The following SGCZ variants were observed in gnomAD, a reference collection of about 807,000 sequenced individuals.
SGCZ encodes sarcoglycan zeta.
Under a neutral mutation model 41.3 loss-of-function variants are expected in SGCZ, and 40 were observed. That is an observed-to-expected ratio of 0.97 (90% CI 0.75 to 1.26). SGCZ has a LOEUF of 1.26. Among genes scored for constraint, SGCZ ranks in the 50% most tolerant of loss-of-function variants. The pLI is 0.00. For synonymous variants in SGCZ, 206 were observed against 137.5 expected (o/e 1.50, Z -3.49); for missense variants, 552 against 369.8 (o/e 1.49, Z -4.04).
intron 1 of SGCZ, among the ~76,000 whole-genome samples, chr8:15,107,586 A>G (rs986658127): frequency 1.3e-5 from 2 of 152,194 alleles, no homozygotes; most frequent in Admixed American, 6.5e-5. Context: ...CCAGAAGCCA[A>G]GCAATTGCCA....
At chr8:15,104,246 C>T (rs1226645140) in intron 1 of SGCZ, among the ~76,000 whole-genome samples, 2 of 152,128 alleles carry the variant, frequency 1.3e-5, no homozygotes, top group African/African-American at 4.8e-5. Context: ...TCCATCTAAG[C>T]TACCCAGCAG....
rs184500104 is a variant in SGCZ at position 14,606,716 on chromosome 8, A to G, written c.40-51790T>C. Among the ~76,000 whole-genome samples the G allele has an allele frequency of 5.9e-3, 900 of 152,344 alleles. 3 individuals are homozygous for G. The highest frequency in any genetic ancestry group is 0.013 in the Admixed American group (200 of 15,300). On this transcript the variant is annotated intron_variant, in intron 1 of 7. Coordinates refer to ENST00000382080, the MANE Select transcript of SGCZ (RefSeq NM_139167.4). ...TTTTGTTCACCACAGTACATGAAGT[A>G]TACAGCAAAATCCCTGGCACATGGT...
At chr8:14,393,743 A>C (rs777276683) in intron 2 of SGCZ, among the ~76,000 whole-genome samples, 1 of 152,136 alleles carries the variant, frequency 6.6e-6, no homozygotes, top group Non-Finnish European at 1.5e-5. Flanking sequence ...AACAAACCCC[A>C]GGGTATACAC....
At chr8:15,230,254 T>A (rs1801901730) in intron 1 of SGCZ, among the ~76,000 whole-genome samples, 1 of 151,512 alleles carries the variant, frequency 6.6e-6, no homozygotes, top group African/African-American at 2.4e-5. Context: ...TGATGGTAGC[T>A]CAAATACTGT....
chr8:14,665,144 T>A (rs973901560), intron 1 of SGCZ, among the ~76,000 whole-genome samples: 4 of 152,182 alleles, frequency 2.6e-5, no homozygotes, highest in African/African-American at 9.7e-5. Flanking sequence ...GTATATCTCC[T>A]AATGCTATCC....
chr8:14,596,666 C>G (rs1292801178), intron 1 of SGCZ, among the ~76,000 whole-genome samples: 1 of 152,022 alleles, frequency 6.6e-6, no homozygotes, highest in Non-Finnish European at 1.5e-5. Context: ...ACACCAGGGT[C>G]TCTCACGGGG....
chr8:14,241,194 T>C (rs1017408022), intron 3 of SGCZ, among the ~76,000 whole-genome samples: 4 of 152,032 alleles, frequency 2.6e-5, no homozygotes, highest in Non-Finnish European at 5.9e-5. Flanking sequence ...CTTTATATTA[T>C]ACTTGTGTGT....
chr8:14,933,630 T>C (rs1315050984), intron 1 of SGCZ, among the ~76,000 whole-genome samples: 1 of 151,820 alleles, frequency 6.6e-6, no homozygotes, highest in African/African-American at 2.4e-5. Flanking sequence ...TTTCTGTATT[T>C]TTTAGTAGAG....
chr8:14,139,881 A>T (rs1803313664), intron 5 of SGCZ, among the ~76,000 whole-genome samples: 1 of 152,174 alleles, frequency 6.6e-6, no homozygotes, highest in African/African-American at 2.4e-5. Flanking sequence ...AGACACAACA[A>T]AAAAACAGAA....
chr8:14,155,787 T>C (rs74524620), intron 5 of SGCZ, among the ~76,000 whole-genome samples: 4,996 of 151,946 alleles, frequency 0.033, 251 homozygotes, highest in African/African-American at 0.11. Context: ...TTCTGAGAAA[T>C]GCATCATTTG....
At chr8:14,977,146 T>C (rs1801503803) in intron 1 of SGCZ, among the ~76,000 whole-genome samples, 1 of 152,182 alleles carries the variant, frequency 6.6e-6, no homozygotes. Flanking sequence ...GACAGACTGG[T>C]ATACAGAAAC....
intron 4 of SGCZ, chr8:14,165,495 G>A (rs1233527643): frequency 6.6e-6 from 1 of 152,108 alleles, no homozygotes; most frequent in Non-Finnish European, 1.5e-5. Context: ...AATGTTAACT[G>A]AGGAGGAAGA....
At chr8:14,455,910 C>T (rs1475487762) in intron 2 of SGCZ, among the ~76,000 whole-genome samples, 1 of 152,044 alleles carries the variant, frequency 6.6e-6, no homozygotes, top group Non-Finnish European at 1.5e-5. Flanking sequence ...GTTTATGGTT[C>T]AATTTACATG....
At chr8:14,683,396 A>G (rs892583879) in intron 1 of SGCZ, among the ~76,000 whole-genome samples, 1 of 152,174 alleles carries the variant, frequency 6.6e-6, no homozygotes, top group Non-Finnish European at 1.5e-5. Context: ...ATATAAAAAA[A>G]GAATTTAAGA....
chr8:14,454,554 T>C (rs1329700484), intron 2 of SGCZ, among the ~76,000 whole-genome samples: 3 of 152,018 alleles, frequency 2.0e-5, no homozygotes, highest in Non-Finnish European at 4.4e-5. Flanking sequence ...AAGTAGATAG[T>C]AAAGTTCATA....
chr8:14,457,436 G>A (rs974635531), intron 2 of SGCZ, among the ~76,000 whole-genome samples: 2 of 152,184 alleles, frequency 1.3e-5, no homozygotes, highest in African/African-American at 4.8e-5. Context: ...GGAAAAGAGG[G>A]GGTCTCCCTT....
At position 14,992,800 on chromosome 8, in the gene SGCZ, G is replaced by C. The variant is rs185578639; in HGVS notation, c.39+244785C>G. Among the ~76,000 whole-genome samples, 419 of 131,088 alleles carry C rather than the reference G, an allele frequency of 3.2e-3. 2 individuals are homozygous for C. The highest frequency in any genetic ancestry group is 0.011 in the African/African-American group (379 of 33,860). The allele number at this position is 131,088 out of a possible 152,430, so 86.0% of individuals were successfully genotyped here. ...CATTCAATCTACTCCCAAAACTAGT[G>C]TTACCCTTGATATTTACCCCTCCCC... On this transcript the variant is annotated intron_variant, in intron 1 of 7. Coordinates refer to ENST00000382080, the MANE Select transcript of SGCZ (RefSeq NM_139167.4).
chr8:15,219,962 G>A (rs1801536811), intron 1 of SGCZ, among the ~76,000 whole-genome samples: 1 of 152,242 alleles, frequency 6.6e-6, no homozygotes, highest in Non-Finnish European at 1.5e-5. Context: ...ATAGAGAAAA[G>A]CAGATACTCA....
chr8:14,212,829 A>C (rs1805862646), intron 4 of SGCZ, among the ~76,000 whole-genome samples: 1 of 152,132 alleles, frequency 6.6e-6, no homozygotes, highest in Admixed American at 6.5e-5. Flanking sequence ...TTTTTCTAAA[A>C]CATATTAAAA....
Sources: gnomAD v4.1 joint callset for allele counts (sites outside exome capture counted in the v4.1 genomes callset) on GRCh38, gnomAD v4.1.1 for gene constraint, MANE v1.5 for transcripts, NCBI Gene and HGNC (gene_info 2026-07-23, HGNC 2026-07-21) for gene names.